Variants in CPQ observed in about 807,000 individuals in gnomAD.
CPQ encodes Ser-Met dipeptidase.
In CPQ, 37 loss-of-function variants were observed where a neutral mutation model predicts 45.7. The observed-to-expected ratio is 0.81, with a 90% confidence interval of 0.62 to 1.07. The LOEUF (loss-of-function observed/expected upper bound fraction) is 1.07, where lower values mean the gene tolerates loss of function less well. CPQ is among the 50% of genes least tolerant of loss of function. The pLI, the probability that CPQ is intolerant of heterozygous loss-of-function variation, is 0.00. For missense variants in CPQ, 537 were observed against 572.9 expected (o/e 0.94, Z 0.64); for synonymous variants, 186 against 205.8 (o/e 0.90, Z 0.82).
At chr8:96,752,682 G>C (rs1176806842) in intron 1 of CPQ, among the ~76,000 whole-genome samples, 1 of 152,142 alleles carries the variant, frequency 6.6e-6, no homozygotes, top group African/African-American at 2.4e-5. Flanking sequence ...GGAGTGGTGA[G>C]AGAGGGCATC....
At chr8:96,875,479 T>C (rs1812133745) in intron 3 of CPQ, among the ~76,000 whole-genome samples, 1 of 152,008 alleles carries the variant, frequency 6.6e-6, no homozygotes, top group Admixed American at 6.5e-5. Context: ...GTCTATGGCA[T>C]GATTTAAGAA....
rs144836567 is a variant in CPQ at position 97,047,133 on chromosome 8, C to T, written c.1053+17639C>T. On this transcript the variant is annotated intron_variant, in intron 6 of 7. Coordinates refer to ENST00000220763, the MANE Select transcript of CPQ (RefSeq NM_016134.4). ...TGTGATCATTTATAAATTACGCTTT[C>T]GTGGACATCAAGTCATTGATGATAG... Among the ~76,000 whole-genome samples, 973 of 152,302 alleles carry T rather than the reference C, an allele frequency of 6.4e-3. 4 individuals carry two copies. Among genetic ancestry groups the T allele is most frequent in the African/African-American group, 0.022 (896 of 41,558 alleles).
intron 1 of CPQ, among the ~76,000 whole-genome samples, chr8:96,735,486 C>T (rs1225034434): frequency 6.6e-6 from 1 of 152,164 alleles, no homozygotes; most frequent in African/African-American, 2.4e-5. Flanking sequence ...CAAAGAAAGT[C>T]TGAAAATAAA....
intron 7 of CPQ, among the ~76,000 whole-genome samples, chr8:97,074,896 G>T (rs1810815776): frequency 6.6e-6 from 1 of 152,130 alleles, no homozygotes; most frequent in South Asian, 2.1e-4. Context: ...TCATCTTGCA[G>T]GGCAGTGGGC....
intron 6 of CPQ, among the ~76,000 whole-genome samples, chr8:97,041,801 A>G (rs1424500160): frequency 6.6e-6 from 1 of 152,210 alleles, no homozygotes; most frequent in African/African-American, 2.4e-5. Context: ...AGATTTGCGT[A>G]TATTGAACCA....
At chr8:96,721,822 C>G (rs768258787) in intron 1 of CPQ, among the ~76,000 whole-genome samples, 2 of 152,146 alleles carry the variant, frequency 1.3e-5, no homozygotes, top group African/African-American at 2.4e-5. Context: ...TGTCATACTA[C>G]TTTTTTCAGT....
Position 97,090,709 on chromosome 8 carries a change from T to A in CPQ, c.1255+24499T>A, listed in dbSNP as rs189441800. 1.8e-4 allele frequency among the ~76,000 whole-genome samples: 27 copies of A among 152,268 alleles called. 1 individual carries two copies. The East Asian group carries it at 4.8e-3, about 27-fold the overall frequency. On this transcript the variant is annotated intron_variant, in intron 7 of 7. Coordinates refer to ENST00000220763, the MANE Select transcript of CPQ (RefSeq NM_016134.4). ...GGTTAAACCACAAAACTCTTCCCAATAATGAGTCAGTGTGTGAGTGCCTCT... is the reference window on the plus strand; with the variant it reads ...GGTTAAACCACAAAACTCTTCCCAAAAATGAGTCAGTGTGTGAGTGCCTCT...
intron 4 of CPQ, among the ~76,000 whole-genome samples, chr8:96,945,841 A>C (rs1343879470): frequency 2.0e-5 from 3 of 152,156 alleles, no homozygotes; most frequent in African/African-American, 4.8e-5. Flanking sequence ...CTCTTTCTTA[A>C]GCAAGTTCTC....
At chr8:97,006,291 G>GT (rs200063760) in intron 5 of CPQ, among the ~76,000 whole-genome samples, 33 of 151,144 alleles carry the variant, frequency 2.2e-4, no homozygotes, top group East Asian at 2.1e-3. Context: ...AAGTTGAGTT[G>GT]TTTTTTTTTA....
At chr8:96,756,302 TGG>T (rs1209795658) in intron 1 of CPQ, among the ~76,000 whole-genome samples, 6 of 152,102 alleles carry the variant, frequency 3.9e-5, no homozygotes, top group Admixed American at 3.9e-4. Flanking sequence ...TTTTGACTCT[TGG>T]GGAATGAATT....
intron 1 of CPQ, among the ~76,000 whole-genome samples, chr8:96,743,620 G>T (rs1041080505): frequency 6.6e-6 from 1 of 151,818 alleles, no homozygotes; most frequent in Non-Finnish European, 1.5e-5. Context: ...TCTACTTTTG[G>T]TCTTTGATGA....
intron 1 of CPQ, among the ~76,000 whole-genome samples, chr8:96,772,266 A>T (rs1460140630): frequency 2.6e-5 from 4 of 152,188 alleles, no homozygotes; most frequent in Non-Finnish European, 2.9e-5. Flanking sequence ...GGGGCTACTT[A>T]GGAGCTAAAT....
At chr8:97,013,607 T>TTGAG (rs1387889352) in intron 5 of CPQ, among the ~76,000 whole-genome samples, 1 of 151,872 alleles carries the variant, frequency 6.6e-6, no homozygotes, top group Admixed American at 6.6e-5. Context: ...TATGCATAAG[T>TTGAG]TGAGAGAAAA....
At chr8:97,131,122 C>T (rs1050133490) in intron 7 of CPQ, among the ~76,000 whole-genome samples, 3 of 152,240 alleles carry the variant, frequency 2.0e-5, no homozygotes, top group Non-Finnish European at 4.4e-5. Context: ...AAGGGTAATT[C>T]GCCTTGTGTC....
chr8:97,085,838 C>T (rs1811032884), intron 7 of CPQ, among the ~76,000 whole-genome samples: 1 of 152,154 alleles, frequency 6.6e-6, no homozygotes, highest in South Asian at 2.1e-4. Flanking sequence ...GTTTCATCCA[C>T]AGTGGTTAAT....
intron 1 of CPQ, among the ~76,000 whole-genome samples, chr8:96,784,407 G>T (rs887707073): frequency 6.6e-5 from 10 of 151,416 alleles, no homozygotes; most frequent in Admixed American, 2.6e-4. Flanking sequence ...GGTGGGGGGG[G>T]GGTTGGTAAA....
chr8:97,114,861 C>T (rs1037310970), intron 7 of CPQ, among the ~76,000 whole-genome samples: 3 of 152,192 alleles, frequency 2.0e-5, no homozygotes, highest in Admixed American at 2.0e-4. Flanking sequence ...TCTGGCTGGA[C>T]TCTTCTCCTC....
At chr8:96,777,891 G>A (rs1199679889) in intron 1 of CPQ, among the ~76,000 whole-genome samples, 1 of 139,870 alleles carries the variant, frequency 7.1e-6, no homozygotes, top group African/African-American at 2.7e-5. Flanking sequence ...ACCACGCCCA[G>A]CTAATTTTTT....
At chr8:96,690,826 T>C (rs1398967283) in intron 1 of CPQ, among the ~76,000 whole-genome samples, 1 of 152,148 alleles carries the variant, frequency 6.6e-6, no homozygotes, top group Non-Finnish European at 1.5e-5. Context: ...CACCTATGAC[T>C]TTAGGGCCAC....
Sources: allele counts gnomAD v4.1 joint callset (sites outside exome capture counted in the v4.1 genomes callset), GRCh38; gene constraint gnomAD v4.1.1; transcripts MANE v1.5; gene names NCBI Gene and HGNC (gene_info 2026-07-23, HGNC 2026-07-21).